Variants in MATN2 observed in about 807,000 individuals in gnomAD.
MATN2 encodes matrilin-2.
In MATN2, 69 loss-of-function variants were observed where a neutral mutation model predicts 103.2. That is an observed-to-expected ratio of 0.67 (90% CI 0.55 to 0.82). MATN2 has a LOEUF of 0.82. MATN2 is among the 40% of genes least tolerant of loss of function. MATN2 has a pLI of 0.00. For synonymous variants in MATN2, 429 were observed against 450.2 expected, an observed-to-expected ratio of 0.95 and a Z score of 0.60; for missense variants, 1,023 against 1,211.5, an observed-to-expected ratio of 0.84 and a Z score of 2.31.
At position 98,035,711 on chromosome 8, in the gene MATN2, G is replaced by T; in HGVS notation, c.2870G>T (p.Ter957LeuextTer9). 6.3e-7 allele frequency: 1 copy of T among 1,594,664 alleles called. No homozygotes were observed. Among genetic ancestry groups the T allele is most frequent in the Non-Finnish European group, 8.6e-7 (1 of 1,167,110 alleles). ...CTGGAAAATCGCCTGAGATACAGAT[G>T]AAGATTAGAAATCGCGACACATTTG... ...EALENRLRYR[*>L] The change falls in exon 19 of 19, where the codon TGA (stop) becomes TTA (leucine). Residue 957 changes from the stop codon to leucine (L), a stop_lost. Transcript: ENST00000254898.
chr8:97,872,532 T>C (rs982912041), intron 1 of MATN2, among the ~76,000 whole-genome samples: 4 of 152,228 alleles, frequency 2.6e-5, no homozygotes, highest in Non-Finnish European at 5.9e-5. Context: ...ATGGGTTTTG[T>C]AGAGCTAAAA....
intron 2 of MATN2, among the ~76,000 whole-genome samples, chr8:97,902,645 C>T (rs770327433): frequency 1.3e-5 from 2 of 152,044 alleles, no homozygotes; most frequent in African/African-American, 2.4e-5. Flanking sequence ...GGAGAGGAGT[C>T]GCTATTGCCT....
intron 5 of MATN2, among the ~76,000 whole-genome samples, chr8:97,964,070 G>A (rs1478827804): frequency 6.6e-6 from 1 of 152,204 alleles, no homozygotes; most frequent in Non-Finnish European, 1.5e-5. Flanking sequence ...CCAAGGCAGG[G>A]GGAGAGATGA....
intron 2 of MATN2, among the ~76,000 whole-genome samples, chr8:97,903,961 T>C (rs1367405555): frequency 6.6e-6 from 1 of 152,248 alleles, no homozygotes; most frequent in Non-Finnish European, 1.5e-5. Context: ...TTTTCTAGTG[T>C]TGAACCAATC....
intron 5 of MATN2, among the ~76,000 whole-genome samples, chr8:97,968,289 C>A (rs999297758): frequency 6.6e-6 from 1 of 152,306 alleles, no homozygotes; most frequent in South Asian, 2.1e-4. Context: ...AGGCCTTTTT[C>A]CCATGTCTTG....
rs776432244 is a variant in MATN2, at chr8:98,033,096, C to T, written c.2636C>T (p.Ala879Val). ...IQDLLSCSNF[A>V]VQHRYLFEED... is the part of the protein sequence containing the mutation. Reference sequence around the variant, plus strand: ...GACCTACTTTCCTGTTCTAATTTTGCAGTGCAACACAGATATCTGTTTGAA... The same window carrying T: ...GACCTACTTTCCTGTTCTAATTTTGTAGTGCAACACAGATATCTGTTTGAA... The change falls in exon 17 of 19, where the codon GCA becomes GTA. Residue 879 changes from alanine to valine, a missense_variant. Transcript: ENST00000254898. 6 of 1,610,896 alleles carry T rather than the reference C, an allele frequency of 3.7e-6. No homozygotes were observed. The highest frequency in any genetic ancestry group is 2.2e-5 in the East Asian group (1 of 44,798).
At chr8:97,967,113 G>A (rs751061492) in intron 5 of MATN2, among the ~76,000 whole-genome samples, 3 of 152,248 alleles carry the variant, frequency 2.0e-5, no homozygotes, top group South Asian at 2.1e-4. Flanking sequence ...CTAACTGAGC[G>A]AGAAATCACT....
chr8:97,955,965 C>T (rs1320380695), intron 4 of MATN2, among the ~76,000 whole-genome samples: 1 of 152,204 alleles, frequency 6.6e-6, no homozygotes, highest in African/African-American at 2.4e-5. Context: ...GTTCTTGATG[C>T]AGGACAAGTG....
chr8:97,910,310 G>A (rs1234148965), intron 2 of MATN2, among the ~76,000 whole-genome samples: 1 of 151,990 alleles, frequency 6.6e-6, no homozygotes, highest in East Asian at 1.9e-4. Context: ...CACCTGCCTT[G>A]GCCTCCCAAA....
At chr8:97,980,885 T>C (rs570170162) in intron 6 of MATN2, among the ~76,000 whole-genome samples, 1 of 151,828 alleles carries the variant, frequency 6.6e-6, no homozygotes, top group African/African-American at 2.4e-5. Context: ...TAATCTTGAA[T>C]ACTAAATGAG....
At chr8:97,937,831 A>C (rs1185894107) in intron 3 of MATN2, among the ~76,000 whole-genome samples, 3 of 151,982 alleles carry the variant, frequency 2.0e-5, no homozygotes, top group Admixed American at 2.0e-4. Context: ...TGCTCACCTC[A>C]GCCTCCCAAA....
chr8:97,920,906 T>G (rs1158960942), intron 2 of MATN2, among the ~76,000 whole-genome samples: 1 of 152,160 alleles, frequency 6.6e-6, no homozygotes, highest in African/African-American at 2.4e-5. Context: ...CAGGACTGAT[T>G]AGGGGTGTCG....
intron 4 of MATN2, among the ~76,000 whole-genome samples, chr8:97,943,767 TAGG>T (rs1810652510): frequency 6.6e-6 from 1 of 152,210 alleles, no homozygotes; most frequent in Non-Finnish European, 1.5e-5. Context: ...CTTCTCTTCT[TAGG>T]AGCACAAGGA....
At chr8:97,944,979 G>A (rs768723293) in intron 4 of MATN2, among the ~76,000 whole-genome samples, 4 of 152,170 alleles carry the variant, frequency 2.6e-5, no homozygotes, top group Non-Finnish European at 4.4e-5. Context: ...ATCATTGATT[G>A]GTTCATTTAT....
At chr8:97,989,312 A>T (rs997627274) in intron 6 of MATN2, among the ~76,000 whole-genome samples, 11 of 152,118 alleles carry the variant, frequency 7.2e-5, no homozygotes, top group African/African-American at 2.7e-4. Context: ...TCCTAAAAAT[A>T]GAAGAAATTA....
intron 2 of MATN2, among the ~76,000 whole-genome samples, chr8:97,913,082 G>A (rs190938356): frequency 6.0e-4 from 92 of 152,218 alleles, no homozygotes; most frequent in African/African-American, 2.0e-3. Context: ...TCTGGCTGCC[G>A]CAACTAACTG....
At chr8:97,958,293 T>G (rs1477446785) in intron 4 of MATN2, among the ~76,000 whole-genome samples, 1 of 152,174 alleles carries the variant, frequency 6.6e-6, no homozygotes, top group Non-Finnish European at 1.5e-5. Flanking sequence ...GCATCTGCAG[T>G]AGAGATTGGG....
At chr8:97,986,103 CATTCTT>C (rs1368436387) in intron 6 of MATN2, among the ~76,000 whole-genome samples, 1 of 152,064 alleles carries the variant, frequency 6.6e-6, no homozygotes, top group Non-Finnish European at 1.5e-5. Flanking sequence ...TTGTGATAAA[CATTCTT>C]ATGCTTGAAT....
At chr8:98,001,903 G>T (rs368915098) in intron 7 of MATN2, among the ~76,000 whole-genome samples, 11 of 152,284 alleles carry the variant, frequency 7.2e-5, no homozygotes, top group African/African-American at 2.6e-4. Flanking sequence ...GAACATGGTT[G>T]CCACGCTGGC....
Sources: allele counts gnomAD v4.1 joint callset (sites outside exome capture counted in the v4.1 genomes callset), GRCh38; gene constraint gnomAD v4.1.1; transcripts MANE v1.5; gene names NCBI Gene and HGNC (gene_info 2026-07-23, HGNC 2026-07-21).